Variants in KCND2 observed in about 807,000 individuals in gnomAD.
KCND2 encodes the protein A-type voltage-gated potassium channel KCND2.
Under a neutral mutation model 54.4 loss-of-function variants are expected in KCND2, and 16 were observed. That is an observed-to-expected ratio of 0.29 (90% CI 0.20 to 0.45). The LOEUF (loss-of-function observed/expected upper bound fraction) is 0.45. Ranked by LOEUF, KCND2 falls within the 20% of genes least tolerant of loss-of-function variation. The pLI is 1.00. For synonymous variants in KCND2, 317 were observed against 310.7 expected (o/e 1.02, Z -0.21); for missense variants, 486 against 824.2 (o/e 0.59, Z 5.02).
chr7:120,358,921 G>C (rs1046783812), intron 1 of KCND2, among the ~76,000 whole-genome samples: 3 of 151,970 alleles, frequency 2.0e-5, no homozygotes, highest in Non-Finnish European at 2.9e-5. Flanking sequence ...GCATTGCATT[G>C]TGCACAAAAT....
At chr7:120,740,658 G>A (rs961980522) in intron 2 of KCND2, among the ~76,000 whole-genome samples, 1 of 151,918 alleles carries the variant, frequency 6.6e-6, no homozygotes, top group Non-Finnish European at 1.5e-5. Context: ...TTCACTTTAG[G>A]GATCTAACTG....
At chr7:120,450,538 A>G (rs989925202) in intron 1 of KCND2, among the ~76,000 whole-genome samples, 1 of 152,186 alleles carries the variant, frequency 6.6e-6, no homozygotes, top group African/African-American at 2.4e-5. Context: ...CAGACAATGG[A>G]GAAAAGTCCT....
At chr7:120,287,251 T>C (rs1253458082) in intron 1 of KCND2, among the ~76,000 whole-genome samples, 1 of 152,088 alleles carries the variant, frequency 6.6e-6, no homozygotes, top group Non-Finnish European at 1.5e-5. Context: ...GTAAGAAATA[T>C]ACATAATTAT....
intron 1 of KCND2, among the ~76,000 whole-genome samples, chr7:120,433,639 G>A (rs922466675): frequency 6.6e-6 from 1 of 152,144 alleles, no homozygotes; most frequent in Non-Finnish European, 1.5e-5. Context: ...TAAATGCTCT[G>A]TAAGTATTGA....
intron 1 of KCND2, among the ~76,000 whole-genome samples, chr7:120,605,378 A>G (rs991739575): frequency 3.9e-5 from 6 of 152,184 alleles, no homozygotes; most frequent in Admixed American, 2.0e-4. Context: ...AGATTTATCC[A>G]TGTTATAACA....
At chr7:120,619,591 G>A (rs1482255143) in intron 1 of KCND2, among the ~76,000 whole-genome samples, 1 of 152,154 alleles carries the variant, frequency 6.6e-6, no homozygotes, top group African/African-American at 2.4e-5. Flanking sequence ...TACTTCAGTA[G>A]GTAAAAGGAA....
At chr7:120,483,179 T>G (rs1270802304) in intron 1 of KCND2, among the ~76,000 whole-genome samples, 2 of 152,204 alleles carry the variant, frequency 1.3e-5, no homozygotes, top group Non-Finnish European at 2.9e-5. Flanking sequence ...TCAATTAGCC[T>G]TTCTTCCTGA....
chr7:120,528,422 A>G (rs1266829129), intron 1 of KCND2, among the ~76,000 whole-genome samples: 3 of 152,280 alleles, frequency 2.0e-5, no homozygotes, highest in Non-Finnish European at 2.9e-5. Context: ...AGATTCTTCT[A>G]GTTTGGAGTT....
intron 1 of KCND2, among the ~76,000 whole-genome samples, chr7:120,583,598 T>A (rs1792547945): frequency 6.6e-6 from 1 of 152,102 alleles, no homozygotes; most frequent in Non-Finnish European, 1.5e-5. Context: ...CCCAGTGTCT[T>A]CCCATGGCCT....
chr7:120,585,165 G>A (rs1264848743), intron 1 of KCND2, among the ~76,000 whole-genome samples: 4 of 151,202 alleles, frequency 2.6e-5, no homozygotes, highest in African/African-American at 7.4e-5. Context: ...TTGTGCCTAA[G>A]GGGAGTGTAG....
rs1791713297 is a variant in KCND2, at chr7:120,650,304, T to C, written c.1116-82599T>C. ...GTATAGTCCCATATTTCTTGGAGGC[T>C]TTGTTCATTTCTTTTTATTCTTTTT... On this transcript the variant is annotated intron_variant, in intron 1 of 5. Transcript: ENST00000331113. Among the ~76,000 whole-genome samples, 2 of 143,224 alleles carry C rather than the reference T, an allele frequency of 1.4e-5. 1 individual carries two copies. The highest frequency in any genetic ancestry group is 3.0e-5 in the Non-Finnish European group (2 of 66,036). The allele number at this position is 143,224 out of a possible 152,430, so 94.0% of individuals were successfully genotyped here. A position where few individuals can be genotyped will look rare whatever the true frequency, so the allele number is the denominator to read the frequency against.
intron 1 of KCND2, among the ~76,000 whole-genome samples, chr7:120,706,067 A>G (rs934946921): frequency 2.6e-5 from 4 of 152,074 alleles, no homozygotes. Context: ...ATAGGGTTAG[A>G]CTGTAGGAAG....
intron 1 of KCND2, among the ~76,000 whole-genome samples, chr7:120,628,790 A>G (rs967975913): frequency 7.2e-5 from 11 of 152,162 alleles, no homozygotes; most frequent in African/African-American, 2.4e-4. Context: ...GGAAACTTCT[A>G]TAATTAAATC....
chr7:120,713,219 T>TA (rs1212308583), intron 1 of KCND2, among the ~76,000 whole-genome samples: 1 of 152,072 alleles, frequency 6.6e-6, no homozygotes, highest in Non-Finnish European at 1.5e-5. Context: ...GAGAAGCTCC[T>TA]AGGAAGTCCA....
intron 1 of KCND2, among the ~76,000 whole-genome samples, chr7:120,556,853 A>C (rs1356580152): frequency 6.6e-6 from 1 of 152,230 alleles, no homozygotes; most frequent in Non-Finnish European, 1.5e-5. Flanking sequence ...TTAACATTGC[A>C]TAAAGCAGGG....
At chr7:120,304,924 C>T (rs910847979) in intron 1 of KCND2, among the ~76,000 whole-genome samples, 3 of 152,272 alleles carry the variant, frequency 2.0e-5, no homozygotes, top group South Asian at 4.1e-4. Flanking sequence ...TCTGCTAATA[C>T]GTTGAAATGC....
chr7:120,574,445 G>C (rs1429936993), intron 1 of KCND2, among the ~76,000 whole-genome samples: 3 of 152,150 alleles, frequency 2.0e-5, no homozygotes, highest in African/African-American at 7.2e-5. Flanking sequence ...AATGCCATTG[G>C]TTACAATATC....
At chr7:120,427,683 A>G (rs1157704586) in intron 1 of KCND2, among the ~76,000 whole-genome samples, 1 of 152,234 alleles carries the variant, frequency 6.6e-6, no homozygotes, top group Non-Finnish European at 1.5e-5. Context: ...GATACTTTGT[A>G]TCAAGGAATT....
At chr7:120,358,407 T>C (rs139332984) in intron 1 of KCND2, among the ~76,000 whole-genome samples, 70 of 152,296 alleles carry the variant, frequency 4.6e-4, no homozygotes, top group African/African-American at 1.6e-3. Context: ...ACTAAAATGA[T>C]CTGTTGGTGG....
Sources: allele counts gnomAD v4.1 joint callset (sites outside exome capture counted in the v4.1 genomes callset), GRCh38; gene constraint gnomAD v4.1.1; transcripts MANE v1.5; gene names NCBI Gene and HGNC (gene_info 2026-07-23, HGNC 2026-07-21).